Variants in APC observed in about 807,000 individuals in gnomAD.
The protein encoded by APC is APC regulator of Wnt signaling pathway.
A neutral mutation model predicts 247.0 loss-of-function variants in APC; 72 were observed. The observed-to-expected ratio is 0.29, with a 90% CI of 0.24 to 0.35. APC has a LOEUF of 0.35. Ranked by LOEUF, APC falls within the 10% of genes least tolerant of loss-of-function variation. APC has a pLI of 1.00. For synonymous variants in APC, 1,254 were observed against 1,162.5 expected, an observed-to-expected ratio of 1.08 and a Z score of -1.60; for missense variants, 3,400 against 3,360.7, an observed-to-expected ratio of 1.01 and a Z score of -0.29.
chr5:112,779,338 G>T (rs745994006), intron 5 of APC, among the ~76,000 whole-genome samples: 3 of 152,170 alleles, frequency 2.0e-5, no homozygotes, highest in Admixed American at 2.0e-4. Flanking sequence ...TCAGGTTCAG[G>T]AAAGAGCTTA....
At chr5:112,753,587 G>A (rs1307385874) in intron 1 of APC, among the ~76,000 whole-genome samples, 1 of 152,024 alleles carries the variant, frequency 6.6e-6, no homozygotes, top group African/African-American at 2.4e-5. Context: ...AAAGACTTTT[G>A]TAGGTGATCC....
At chr5:112,809,120 G>A (rs978384907) in intron 8 of APC, among the ~76,000 whole-genome samples, 34 of 152,162 alleles carry the variant, frequency 2.2e-4, no homozygotes, top group African/African-American at 6.7e-4. Context: ...GGGAAGCAAA[G>A]GCAGGTGGAT....
At chr5:112,720,927 AG>A (rs1165114051) in intron 1 of APC, among the ~76,000 whole-genome samples, 1 of 152,168 alleles carries the variant, frequency 6.6e-6, no homozygotes, top group Non-Finnish European at 1.5e-5. Context: ...GAGAAGAGTA[AG>A]GGGTTTGAGA....
Position 112,841,850 on chromosome 5 carries a change from C to G in APC, c.6256C>G (p.Pro2086Ala), listed in dbSNP as rs780667260. The G allele has an allele frequency of 6.8e-6, 11 of 1,613,754 alleles. No homozygotes were observed. The South Asian group carries it at 1.2e-4, about 18-fold the overall frequency. ...LTLDLKDIQR[P>A]DSEHGLSPDS... Reference sequence around the variant, plus strand: ...ACTTGATTTGAAAGATATACAGAGACCAGATTCAGAACATGGTCTATCCCC... The same window carrying G: ...ACTTGATTTGAAAGATATACAGAGAGCAGATTCAGAACATGGTCTATCCCC... The change falls in exon 16 of 16, where the codon CCA becomes GCA. Residue 2086 changes from proline to alanine, a missense_variant. Physicochemically the swap from Pro to Ala is conservative, Grantham distance 27. This residue lies in a region of APC where 1,788 missense variants were observed against 1,649.5 expected (regional missense o/e 1.08). Transcript: ENST00000257430. The surrounding 1 kb of genome is among the most constrained non-coding windows in gnomAD (Gnocchi z 4.6).
chr5:112,841,788 C>A lies in APC; in HGVS notation c.6194C>A (p.Pro2065His). The part of the protein sequence containing the change: ...RLKGDNEKHS[P>H]RNMGGILGED... ...AAGGGTGATAATGAAAAACATAGTC[C>A]CAGAAATATGGGTGGCATATTAGGT... The change falls in exon 16 of 16, where the codon CCC (proline) becomes CAC (histidine). Residue 2065 changes from proline to histidine, a missense_variant. Around this residue, in one of 9 missense-constraint regions of APC, gnomAD observed 1,788 missense variants for 1,649.5 expected, o/e 1.08. Transcript: ENST00000257430. The surrounding 1 kb of genome is among the most constrained non-coding windows in gnomAD (Gnocchi z 4.6). 1 of 1,613,888 alleles carries A rather than the reference C, an allele frequency of 6.2e-7. No individual in the cohort carries two copies. Among genetic ancestry groups the A allele is most frequent in the Non-Finnish European group, 8.5e-7 (1 of 1,179,920 alleles).
chr5:112,746,006 TAAATG>T (rs1447319160), intron 1 of APC, among the ~76,000 whole-genome samples: 1 of 152,090 alleles, frequency 6.6e-6, no homozygotes, highest in East Asian at 1.9e-4. Context: ...ACCAATAAAA[TAAATG>T]AAACCCTAAA....
At chr5:112,836,057 C>CCA (rs1764866090) in intron 15 of APC, among the ~76,000 whole-genome samples, 3 of 124,154 alleles carry the variant, frequency 2.4e-5, no homozygotes, top group African/African-American at 9.9e-5. Context: ...GTCTTGCACT[C>CCA]TTGCCCGGGC....
At chr5:112,807,411 A>G (rs1203986696) in intron 8 of APC, among the ~76,000 whole-genome samples, 1 of 152,136 alleles carries the variant, frequency 6.6e-6, no homozygotes, top group African/African-American at 2.4e-5. Flanking sequence ...TATAATTTTT[A>G]TATAAACAAT....
chr5:112,812,055 G>A (rs538459212), intron 8 of APC, among the ~76,000 whole-genome samples: 3 of 152,286 alleles, frequency 2.0e-5, no homozygotes, highest in African/African-American at 7.2e-5. Flanking sequence ...GCATAGTAAC[G>A]CTTCCCTCAG....
chr5:112,724,130 T>C (rs1409412729), intron 1 of APC, among the ~76,000 whole-genome samples: 1 of 152,162 alleles, frequency 6.6e-6, no homozygotes, highest in Admixed American at 6.6e-5. Context: ...AAATCAGAAG[T>C]GAGCAGGCTA....
intron 2 of APC, among the ~76,000 whole-genome samples, chr5:112,759,356 C>CTTTTTTTTT (rs887438895): frequency 5.6e-4 from 68 of 122,334 alleles, no homozygotes; most frequent in African/African-American, 9.8e-4. Context: ...TTCTTTCTTT[C>CTTTTTTTTT]TTTTTTTTTT....
At position 112,840,879 on chromosome 5, in the gene APC, A is replaced by G. The variant is rs1554086604; in HGVS notation, c.5285A>G (p.Lys1762Arg). 3 of 1,614,024 alleles carry G rather than the reference A, an allele frequency of 1.9e-6. No homozygotes were observed. The South Asian group carries it at 3.3e-5, about 18-fold the overall frequency. Residue 1762 changes from lysine (K) to arginine (R), a missense_variant, in exon 16 of 16, where the codon AAA becomes AGA. Around this residue, in one of 9 missense-constraint regions of APC, gnomAD observed 1,788 missense variants for 1,649.5 expected, o/e 1.08. Coordinates refer to ENST00000257430, the MANE Select transcript of APC (RefSeq NM_000038.6). This position sits in a 1 kb window ranked among gnomAD's most constrained non-coding sequence, Gnocchi z 4.1. ...QASASSSAPN[K>R]NQLDGKKKKP... is the part of the protein sequence containing the mutation. ...TCTGCGTCTTCTTCTGCACCCAACAAAAATCAGTTAGATGGTAAGAAAAAG... is the reference window on the plus strand; with the variant it reads ...TCTGCGTCTTCTTCTGCACCCAACAGAAATCAGTTAGATGGTAAGAAAAAG...
At position 112,755,340 on chromosome 5, in the gene APC, G is replaced by A. The variant is rs141669028; in HGVS notation, c.135+315G>A. Among the ~76,000 whole-genome samples, 343 of 152,234 alleles carry A rather than the reference G, an allele frequency of 2.3e-3. 1 individual carries two copies. Among genetic ancestry groups the A allele is most frequent in the Non-Finnish European group, 2.2e-3 (152 of 68,002 alleles). On this transcript the variant is annotated intron_variant, in intron 2 of 15. Transcript: ENST00000257430. ...TTTTCTGTGTAGTTCATAGAAACTA[G>A]CCTCATGATTTTAGAATATGCCTTG...
At chr5:112,778,678 C>T (rs1352110756) in intron 5 of APC, among the ~76,000 whole-genome samples, 1 of 102,440 alleles carries the variant, frequency 9.8e-6, no homozygotes, top group Non-Finnish European at 2.1e-5. Flanking sequence ...TCCCAAGTAG[C>T]TGGGACTACA....
chr5:112,841,036 G>T lies in APC; in HGVS notation c.5442G>T (p.Gln1814His), dbSNP rs1554086735. ...CAGACAACAAAGATTCAAAGAAACA[G>T]AATTTGAAAAATAATTCCAAGGTCT... ...VFSDNKDSKK[Q>H]NLKNNSKVFN... Residue 1814 changes from glutamine to histidine, a missense_variant, in exon 16 of 16, where the codon CAG becomes CAT. Physicochemically the swap from Gln to His is conservative, Grantham distance 24. Transcript: ENST00000257430. This position sits in a 1 kb window ranked among gnomAD's most constrained non-coding sequence, Gnocchi z 4.6. 6.2e-7 allele frequency: 1 copy of T among 1,610,856 alleles called. No individual in the cohort carries two copies. Among genetic ancestry groups the T allele is most frequent in the East Asian group, 2.2e-5 (1 of 44,844 alleles).
At chr5:112,817,480 T>C (rs1309787565) in intron 9 of APC, among the ~76,000 whole-genome samples, 1 of 152,148 alleles carries the variant, frequency 6.6e-6, no homozygotes, top group Non-Finnish European at 1.5e-5. Flanking sequence ...CTCTCCAAAA[T>C]TCTATGAAGT....
intron 10 of APC, 93 bp downstream of exon 10, chr5:112,819,437 A>G (rs2149784918): frequency 1.3e-6 from 2 of 1,505,254 alleles, no homozygotes; most frequent in Non-Finnish European, 1.8e-6. Context: ...TGCTGTCTTT[A>G]TGACTAAGAG....
chr5:112,722,749 G>T (rs1284435489), intron 1 of APC, among the ~76,000 whole-genome samples: 1 of 152,172 alleles, frequency 6.6e-6, no homozygotes, highest in African/African-American at 2.4e-5. Context: ...GATGCACAGA[G>T]TGAGATATAG....
intron 8 of APC, among the ~76,000 whole-genome samples, chr5:112,803,050 A>T (rs1238251227): frequency 6.6e-6 from 1 of 152,184 alleles, no homozygotes; most frequent in East Asian, 1.9e-4. Context: ...AACTTTACTA[A>T]TCATGATATA....
Sources: gnomAD v4.1 joint callset for allele counts (sites outside exome capture counted in the v4.1 genomes callset) on GRCh38, gnomAD v4.1.1 for gene constraint, gnomAD v4.1.1 regional missense constraint, Gnocchi (gnomAD v3.1) non-coding constraint, MANE v1.5 for transcripts, NCBI Gene and HGNC (gene_info 2026-07-23, HGNC 2026-07-21) for gene names.